Variants in RP1L1 observed in about 807,000 individuals in gnomAD.
The protein encoded by RP1L1 is RP1 like 1, also known as retinitis pigmentosa 1-like 1 protein.
A neutral mutation model predicts 15.7 loss-of-function variants in RP1L1; 27 were observed. The ratio of observed to expected loss-of-function variants is 1.72; its 90% CI spans 1.27 to 2.38. The LOEUF (loss-of-function observed/expected upper bound fraction) is 2.38. RP1L1 is among the 30% of genes most tolerant of loss of function. The pLI, the probability that RP1L1 is intolerant of heterozygous loss-of-function variation, is 0.00. For missense variants in RP1L1, 4,798 were observed against 3,075.9 expected (o/e 1.56, Z -13.24); for synonymous variants, 1,813 against 1,276.7 (o/e 1.42, Z -8.96).
intron 1 of RP1L1, among the ~76,000 whole-genome samples, chr8:10,625,439 G>A (rs1458269108): frequency 6.6e-6 from 1 of 151,608 alleles, no homozygotes; most frequent in African/African-American, 2.4e-5. Context: ...AGGCTGGAGG[G>A]TGCGTGTGGG....
rs773850969 is a variant in RP1L1, at chr8:10,622,794, A to G, written c.408T>C (p.Arg136=). The part of the protein sequence containing the change: ...AQQLRDVEGQ[R]EAPGTSSSRK... Reference sequence around the variant, plus strand: ...GGGAGGAGGAGGTGCCTGGGGCTTCACGCTGGCCTTCGACATCCCGCAACT... The same window carrying G: ...GGGAGGAGGAGGTGCCTGGGGCTTCGCGCTGGCCTTCGACATCCCGCAACT... The change falls in exon 2 of 4, where the codon CGT becomes CGC. Residue 136 remains arginine (R), a synonymous_variant. Transcript: ENST00000382483. The G allele has an allele frequency of 6.2e-6, 10 of 1,613,796 alleles. No homozygotes were observed. Among genetic ancestry groups the G allele is most frequent in the Non-Finnish European group, 8.5e-6 (10 of 1,179,896 alleles).
Position 10,608,419 on chromosome 8 carries a change from T to C in RP1L1, c.5679A>G (p.Pro1893=). 1 of 1,600,568 alleles carries C rather than the reference T, an allele frequency of 6.2e-7. No homozygotes were observed. Among genetic ancestry groups the C allele is most frequent in the East Asian group, 2.3e-5 (1 of 43,364 alleles). Residue 1893 remains proline (P), a synonymous_variant, in exon 4 of 4, where the codon CCA becomes CCG. Coordinates refer to ENST00000382483, the MANE Select transcript of RP1L1 (RefSeq NM_178857.6). ...AQPESEDVET[P]EAEWEVQPES... ...CTGGCTGGACCTCCCATTCTGCCTC[T>C]GGGGTCTCTACATCTTCTGACTCTG...
In RP1L1 at chr8:10,628,113, T is replaced by A. The variant is rs560321678; in HGVS notation, c.-19-4893A>T. On this transcript the variant is annotated intron_variant, in intron 1 of 3. Transcript: ENST00000382483. ...AGGTCTCCAGGTTCATGAGCCCAACTAGGCTCTGCCAGTAACAAGCTGATG... is the reference window on the plus strand; with the variant it reads ...AGGTCTCCAGGTTCATGAGCCCAACAAGGCTCTGCCAGTAACAAGCTGATG... Among the ~76,000 whole-genome samples, 38 of 152,348 alleles carry A rather than the reference T, an allele frequency of 2.5e-4. No homozygotes were observed. The South Asian group carries it at 5.0e-3, about 20-fold the overall frequency.
intron 1 of RP1L1, among the ~76,000 whole-genome samples, chr8:10,638,903 G>C (rs541598947): frequency 7.5e-4 from 114 of 152,204 alleles, no homozygotes; most frequent in African/African-American, 2.6e-3. Flanking sequence ...CCAGCACTTT[G>C]GGCGGTTGAA....
At chr8:10,632,575 C>G (rs901953025) in intron 1 of RP1L1, among the ~76,000 whole-genome samples, 1 of 152,222 alleles carries the variant, frequency 6.6e-6, no homozygotes, top group African/African-American at 2.4e-5. Flanking sequence ...AACTCACGGC[C>G]TGTAGAATCC....
In RP1L1 at chr8:10,611,108, T is replaced by G. The variant is rs776955344; in HGVS notation, c.2990A>C (p.Asp997Ala). The G allele has an allele frequency of 2.5e-6, 4 of 1,612,838 alleles. No homozygotes were observed. In the East Asian group the frequency reaches 6.7e-5, roughly 27 times the overall value. ...CTCCCCCAGGCCTTCCAGAGAATGG[T>G]CATCCCCAGGGTCCACCTCGGGGCC... ...LRGPEVDPGD[D>A]HSLEGLGEPA... The change falls in exon 4 of 4, where the codon GAC (aspartate) becomes GCC (alanine). Residue 997 changes from aspartate to alanine, a missense_variant. Physicochemically the swap from Asp to Ala is moderately radical, Grantham distance 126 (BLOSUM62 -2). Coordinates refer to ENST00000382483, the MANE Select transcript of RP1L1 (RefSeq NM_178857.6).
intron 1 of RP1L1, among the ~76,000 whole-genome samples, chr8:10,636,362 G>C (rs1390682099): frequency 1.3e-5 from 2 of 152,192 alleles, no homozygotes; most frequent in Admixed American, 6.5e-5. Flanking sequence ...AGCATCCCAG[G>C]GCTAGCCTTT....
chr8:10,608,486 G>T lies in RP1L1; in HGVS notation c.5612C>A (p.Ser1871Ter), dbSNP rs1267466648. Residue 1871 changes from serine (S) to a stop codon, truncating the protein, a stop_gained, in exon 4 of 4, where the codon TCA (serine) becomes TAA (stop). Coordinates refer to ENST00000382483, the MANE Select transcript of RP1L1 (RefSeq NM_178857.6). LOFTEE classifies it low-confidence loss of function (END_TRUNC). ...QEAEGEAQPESEDVEAPEAEG... is the reference protein window; with the variant it reads ...QEAEGEAQPE ...TGCCTCTGGGGCCTCTACATCTTCT[G>T]ACTCTGGCTGGGCCTCCCCTTCAGC... The T allele has an allele frequency of 1.9e-6, 3 of 1,594,028 alleles. No homozygotes were observed. Among genetic ancestry groups the T allele is most frequent in the Non-Finnish European group, 2.6e-6 (3 of 1,169,534 alleles).
chr8:10,619,209 G>T (rs1054826726), intron 2 of RP1L1, among the ~76,000 whole-genome samples: 30 of 152,296 alleles, frequency 2.0e-4, no homozygotes, highest in African/African-American at 7.0e-4. Flanking sequence ...CCCATTTCCT[G>T]AACTCCCTTG....
In RP1L1 at chr8:10,608,419, TG is replaced by T. The variant is rs1414223242; in HGVS notation, c.5678del (p.Pro1893GlnfsTer30). 1.9e-6 allele frequency: 3 copies of T among 1,600,438 alleles called. No individual in the cohort carries two copies. Among genetic ancestry groups the T allele is most frequent in the African/African-American group, 1.4e-5 (1 of 72,468 alleles). On this transcript the variant is annotated frameshift_variant, in exon 4 of 4. Coordinates refer to ENST00000382483, the MANE Select transcript of RP1L1 (RefSeq NM_178857.6). LOFTEE classifies it low-confidence loss of function (END_TRUNC). Reference sequence around the variant, plus strand: ...CTGGCTGGACCTCCCATTCTGCCTCTGGGGTCTCTACATCTTCTGACTCTGG... The same window carrying T: ...CTGGCTGGACCTCCCATTCTGCCTCTGGGTCTCTACATCTTCTGACTCTGG... ...AQPESEDVET[P>X]EAEWEVQPES...
In RP1L1 at chr8:10,612,842, C is replaced by T; in HGVS notation, c.1256G>A (p.Arg419Lys). The change falls in exon 4 of 4, where the codon AGA becomes AAA. Residue 419 changes from arginine (R) to lysine (K), a missense_variant. Coordinates refer to ENST00000382483, the MANE Select transcript of RP1L1 (RefSeq NM_178857.6). ...TNPLHASQGERVAARKRWGLA... is the reference protein window; with the variant it reads ...TNPLHASQGEKVAARKRWGLA... The stretch of plus-strand genomic sequence containing the variant: ...TCCCCACCTCTTCCGAGCTGCCACT[C>T]TCTCTCCCTGGGAGGCATGCAGGGG... 6.2e-7 allele frequency: 1 copy of T among 1,612,792 alleles called. No individual in the cohort carries two copies. The highest frequency in any genetic ancestry group is 8.5e-7 in the Non-Finnish European group (1 of 1,179,924).
chr8:10,617,992 T>C (rs968604544), intron 2 of RP1L1, among the ~76,000 whole-genome samples: 2 of 152,224 alleles, frequency 1.3e-5, no homozygotes, highest in East Asian at 3.9e-4. Flanking sequence ...TGGCACATGC[T>C]AGTCCACGGT....
chr8:10,644,398 C>A (rs893082958), intron 1 of RP1L1, among the ~76,000 whole-genome samples: 1 of 152,198 alleles, frequency 6.6e-6, no homozygotes, highest in Admixed American at 6.5e-5. Context: ...CCCAGCTGAC[C>A]TTCTGGGCTG....
intron 1 of RP1L1, among the ~76,000 whole-genome samples, chr8:10,642,587 G>A (rs1234273601): frequency 2.0e-5 from 3 of 152,176 alleles, no homozygotes; most frequent in Non-Finnish European, 2.9e-5. Context: ...GACTGCCTCT[G>A]AATTTCTTGT....
intron 1 of RP1L1, among the ~76,000 whole-genome samples, chr8:10,629,571 T>C (rs951827985): frequency 2.0e-5 from 3 of 152,192 alleles, no homozygotes; most frequent in Admixed American, 6.5e-5. Context: ...CCAAGGCAGC[T>C]TGGGCTACTG....
chr8:10,647,411 T>C (rs1296909901), intron 1 of RP1L1, among the ~76,000 whole-genome samples: 1 of 152,176 alleles, frequency 6.6e-6, no homozygotes, highest in African/African-American at 2.4e-5. Flanking sequence ...ACATTTCTTG[T>C]TATGCAACCA....
intron 3 of RP1L1, among the ~76,000 whole-genome samples, chr8:10,614,661 C>T (rs1260249431): frequency 1.3e-5 from 1 of 75,620 alleles, no homozygotes; most frequent in Non-Finnish European, 2.5e-5. Context: ...ATTCTGTCGT[C>T]AAAAAAAAAA....
chr8:10,620,319 C>T lies in RP1L1; in HGVS notation c.609+2274G>A, dbSNP rs561743257. ...GAATGTTCCCCCTTAGAAGACACAA[C>T]AGTGGGCTGGGTGCGGTGGCTCACG... On this transcript the variant is annotated intron_variant, in intron 2 of 3. Transcript: ENST00000382483. Among the ~76,000 whole-genome samples, 12 of 152,244 alleles carry T rather than the reference C, an allele frequency of 7.9e-5. No individual in the cohort carries two copies. In the East Asian group the frequency reaches 9.7e-4, roughly 12 times the overall value.
chr8:10,641,563 G>A (rs1002222336), intron 1 of RP1L1, among the ~76,000 whole-genome samples: 6 of 152,142 alleles, frequency 3.9e-5, no homozygotes, highest in Non-Finnish European at 7.3e-5. Context: ...TTAGATGATG[G>A]CACCTATAGG....
Sources: allele counts gnomAD v4.1 joint callset (sites outside exome capture counted in the v4.1 genomes callset), GRCh38; gene constraint gnomAD v4.1.1; transcripts MANE v1.5; gene names NCBI Gene and HGNC (gene_info 2026-07-23, HGNC 2026-07-21).